Variants in TXK observed in about 807,000 individuals in gnomAD.
TXK encodes TXK tyrosine kinase.
In TXK, 60 loss-of-function variants were observed where a neutral mutation model predicts 81.0. That is an observed-to-expected ratio of 0.74 (90% CI 0.60 to 0.92). The LOEUF (loss-of-function observed/expected upper bound fraction) is 0.92, where lower values mean the gene tolerates loss of function less well. Ranked by LOEUF, TXK falls within the 40% of genes least tolerant of loss-of-function variation. The pLI, the probability that TXK is intolerant of heterozygous loss-of-function variation, is 0.00. For missense variants in TXK, 581 were observed against 638.3 expected (o/e 0.91, Z 0.97); for synonymous variants, 203 against 210.7 (o/e 0.96, Z 0.32).
intron 7 of TXK, among the ~76,000 whole-genome samples, chr4:48,094,632 T>C (rs183865587): frequency 1.1e-3 from 175 of 152,304 alleles, no homozygotes; most frequent in Non-Finnish European, 1.6e-4. Flanking sequence ...TGTAGGAACC[T>C]AGGAGAGACT....
At position 48,071,601 on chromosome 4, in the gene TXK, T is replaced by C; in HGVS notation, c.1431A>G (p.Glu477=). The C allele has an allele frequency of 6.2e-7, 1 of 1,614,180 alleles. No individual in the cohort carries two copies. The highest frequency in any genetic ancestry group is 8.5e-7 in the Non-Finnish European group (1 of 1,180,018). The change falls in exon 14 of 15, where the codon GAA becomes GAG. Residue 477 remains glutamate (E), a synonymous_variant. Coordinates refer to ENST00000264316, the MANE Select transcript of TXK (RefSeq NM_003328.3). ...ATAGCCTGAAGCCTTCAGAAATAGC[T>C]TCCACGACTTGCAAATTTGACTTAT... ...FENKSNLQVV[E]AISEGFRLYR...
rs1291082396 is a variant in TXK, at chr4:48,067,753, C to A, written c.1516-48G>T. On this transcript the variant is annotated intron_variant, in intron 14 of 14. Transcript: ENST00000264316. ...GTTAGCTCAGCTTAACCAACTTATG[C>A]CAAGGGTTCCATTTTTGGAACGCTA... is the stretch of plus-strand genomic sequence containing the variant. 8.9e-6 allele frequency: 14 copies of A among 1,565,370 alleles called. No individual in the cohort carries two copies. The East Asian group carries it at 3.1e-4, about 35-fold the overall frequency.
chr4:48,120,092 C>G (rs368008450), intron 1 of TXK, among the ~76,000 whole-genome samples: 2 of 130,650 alleles, frequency 1.5e-5, no homozygotes, highest in South Asian at 2.5e-4. Context: ...CACACACACA[C>G]GTACACAAAT....
chr4:48,132,517 A>G lies in TXK; in HGVS notation c.16+1638T>C, dbSNP rs1719270803. 2.0e-5 allele frequency among the ~76,000 whole-genome samples: 3 copies of G among 152,336 alleles called. No homozygotes were observed. In the South Asian group the frequency reaches 6.2e-4, roughly 32 times the overall value. ...TTTGTGGATCACAGTTGGCAGCTTT[A>G]TATGTATACAAATATACACATACAC... On this transcript the variant is annotated intron_variant, in intron 1 of 14. Coordinates refer to ENST00000264316, the MANE Select transcript of TXK (RefSeq NM_003328.3).
chr4:48,120,822 A>G (rs1365944567), intron 1 of TXK, among the ~76,000 whole-genome samples: 1 of 151,786 alleles, frequency 6.6e-6, no homozygotes, highest in Non-Finnish European at 1.5e-5. Context: ...GCTGTCTCCA[A>G]CTGCTCTCCT....
intron 12 of TXK, among the ~76,000 whole-genome samples, chr4:48,074,655 G>C (rs538044896): frequency 6.6e-6 from 1 of 152,242 alleles, no homozygotes; most frequent in East Asian, 1.9e-4. Context: ...TCTTTTTTGA[G>C]AATTGTACAC....
At chr4:48,077,723 A>AT (rs367898321) in intron 11 of TXK, among the ~76,000 whole-genome samples, 171 of 149,176 alleles carry the variant, frequency 1.1e-3, no homozygotes, top group East Asian at 2.3e-3. Context: ...GACTTTAGGG[A>AT]TTTTTTTTTT....
At chr4:48,104,012 G>A (rs1302558782) in intron 6 of TXK, among the ~76,000 whole-genome samples, 1 of 149,954 alleles carries the variant, frequency 6.7e-6, no homozygotes, top group Non-Finnish European at 1.5e-5. Flanking sequence ...AGACCAGTTG[G>A]GCAGCATGGC....
intron 13 of TXK, among the ~76,000 whole-genome samples, chr4:48,072,084 A>C (rs1292931433): frequency 6.6e-6 from 1 of 151,412 alleles, no homozygotes; most frequent in Non-Finnish European, 1.5e-5. Flanking sequence ...GCTCACTGCA[A>C]CCTCTGTCTC....
In TXK at chr4:48,104,896, A is replaced by T; in HGVS notation, c.501+5T>A. 1 of 1,588,908 alleles carries T rather than the reference A, an allele frequency of 6.3e-7. No individual in the cohort carries two copies. Among genetic ancestry groups the T allele is most frequent in the Non-Finnish European group, 8.6e-7 (1 of 1,168,332 alleles). The stretch of plus-strand genomic sequence containing the variant: ...TTGAAAATGTCCACAAATACATTGA[A>T]TTACCTCTTGTCTCAATAGATGTTC... On this transcript the variant is annotated splice_donor_5th_base_variant and intron_variant, in intron 6 of 14. Coordinates refer to ENST00000264316, the MANE Select transcript of TXK (RefSeq NM_003328.3).
chr4:48,115,692 A>C (rs1577678435), intron 1 of TXK, among the ~76,000 whole-genome samples: 1 of 151,870 alleles, frequency 6.6e-6, no homozygotes, highest in Admixed American at 6.6e-5. Context: ...ACCCCAAAAA[A>C]CTTTTTAAAA....
intron 6 of TXK, among the ~76,000 whole-genome samples, chr4:48,100,594 G>C (rs1718155954): frequency 6.6e-6 from 1 of 152,154 alleles, no homozygotes; most frequent in Non-Finnish European, 1.5e-5. Context: ...TTTCTGGTAG[G>C]CATATAAATT....
At chr4:48,077,629 A>G (rs1294776902) in intron 11 of TXK, among the ~76,000 whole-genome samples, 1 of 152,170 alleles carries the variant, frequency 6.6e-6, no homozygotes, top group Admixed American at 6.5e-5. Context: ...AGAGACTAGG[A>G]AAGTGAGCTA....
chr4:48,094,300 T>A (rs2109434523), intron 7 of TXK, 96 bp from the exon 8 acceptor site: 1 of 1,370,648 alleles, frequency 7.3e-7, no homozygotes. Flanking sequence ...CTAAAACTCA[T>A]CCTAGCAACA....
chr4:48,080,266 A>AT (rs1344765783), intron 10 of TXK, 138 bp from the exon 11 acceptor site: 1 of 705,388 alleles, frequency 1.4e-6, no homozygotes, highest in African/African-American at 1.8e-5. Context: ...ACACAGAGGA[A>AT]GTAGTTCAGT....
At chr4:48,098,050 A>C (rs1204298723) in intron 6 of TXK, among the ~76,000 whole-genome samples, 1 of 152,088 alleles carries the variant, frequency 6.6e-6, no homozygotes, top group Non-Finnish European at 1.5e-5. Flanking sequence ...CCCGGCCAAA[A>C]GCTCCCACAT....
intron 5 of TXK, among the ~76,000 whole-genome samples, chr4:48,107,925 A>T (rs866900410): frequency 0.015 from 1,566 of 106,368 alleles, 24 homozygotes; most frequent in South Asian, 0.074. Context: ...AAAAAAAAAA[A>T]CCGGGCGTGG....
intron 1 of TXK, among the ~76,000 whole-genome samples, chr4:48,122,674 A>G (rs1277973272): frequency 6.6e-6 from 1 of 152,234 alleles, no homozygotes; most frequent in Non-Finnish European, 1.5e-5. Flanking sequence ...ACTTTTTGAC[A>G]CAATGAATAC....
intron 13 of TXK, 82 bp from the exon 14 acceptor site, chr4:48,071,756 G>A: frequency 1.3e-6 from 2 of 1,510,226 alleles, no homozygotes; most frequent in Non-Finnish European, 9.0e-7. Flanking sequence ...AAACTACAAG[G>A]CATTATTTTT....
Sources: allele counts gnomAD v4.1 joint callset (sites outside exome capture counted in the v4.1 genomes callset), GRCh38; gene constraint gnomAD v4.1.1; transcripts MANE v1.5; gene names NCBI Gene and HGNC (gene_info 2026-07-23, HGNC 2026-07-21).